ANKRD44: variants seen among roughly 807,000 people sequenced by gnomAD.
The protein encoded by ANKRD44 is serine/threonine-protein phosphatase 6 regulatory ankyrin repeat subunit B.
In ANKRD44, 35 loss-of-function variants were observed where a neutral mutation model predicts 116.0. The ratio of observed to expected loss-of-function variants is 0.30; its 90% CI spans 0.23 to 0.40. ANKRD44 has a LOEUF of 0.40. Ranked by LOEUF, ANKRD44 falls within the 10% of genes least tolerant of loss-of-function variation. The pLI is 1.00. For synonymous variants in ANKRD44, 435 were observed against 461.8 expected (o/e 0.94, Z 0.74); for missense variants, 1,014 against 1,242.6 (o/e 0.82, Z 2.77).
At chr2:197,269,733 A>C (rs1389385167) in intron 1 of ANKRD44, among the ~76,000 whole-genome samples, 1 of 152,070 alleles carries the variant, frequency 6.6e-6, no homozygotes, top group African/African-American at 2.4e-5. Context: ...GAAAATACAC[A>C]CTCAAAGTGG....
intron 3 of ANKRD44, among the ~76,000 whole-genome samples, chr2:197,141,501 C>T (rs2079365656): frequency 6.6e-6 from 1 of 152,094 alleles, no homozygotes; most frequent in South Asian, 2.1e-4. Context: ...AATATTAAAA[C>T]TCTTTCAAGG....
intron 1 of ANKRD44, among the ~76,000 whole-genome samples, chr2:197,198,485 A>T (rs1030727232): frequency 1.3e-5 from 2 of 152,094 alleles, no homozygotes; most frequent in Non-Finnish European, 1.5e-5. Flanking sequence ...TCTGGTGGTA[A>T]TATGTGAATC....
At chr2:197,150,779 C>A (rs1553518512) in intron 2 of ANKRD44, among the ~76,000 whole-genome samples, 1 of 152,106 alleles carries the variant, frequency 6.6e-6, no homozygotes, top group Non-Finnish European at 1.5e-5. Context: ...TAGGTCAATA[C>A]ACCAGGGGCT....
intron 3 of ANKRD44, 87 bp downstream of exon 3, chr2:197,146,940 G>T: frequency 9.1e-7 from 1 of 1,093,448 alleles, no homozygotes; most frequent in Non-Finnish European, 1.3e-6. Context: ...AAGGAATTTT[G>T]CTTGGGTTCA....
At chr2:197,131,846 G>T (rs536388004) in intron 4 of ANKRD44, among the ~76,000 whole-genome samples, 3 of 152,120 alleles carry the variant, frequency 2.0e-5, no homozygotes, top group Non-Finnish European at 4.4e-5. Flanking sequence ...TTCCATAAAC[G>T]TGCGTTAGAC....
intron 2 of ANKRD44, among the ~76,000 whole-genome samples, chr2:197,181,613 T>G (rs1192251695): frequency 6.6e-6 from 1 of 152,196 alleles, no homozygotes; most frequent in East Asian, 1.9e-4. Context: ...AAAAGTGCCA[T>G]GAACCATTAG....
At chr2:197,191,196 G>A (rs949041018) in intron 1 of ANKRD44, among the ~76,000 whole-genome samples, 2 of 152,168 alleles carry the variant, frequency 1.3e-5, no homozygotes, top group African/African-American at 4.8e-5. Flanking sequence ...GAAGACAGAA[G>A]GACACTTCCT....
At chr2:197,047,508 T>C (rs1356943261) in intron 16 of ANKRD44, among the ~76,000 whole-genome samples, 1 of 152,206 alleles carries the variant, frequency 6.6e-6, no homozygotes, top group Non-Finnish European at 1.5e-5. Context: ...GAATTTATCA[T>C]CTTGAAGGAC....
At chr2:197,078,658 ATGTGTGTG>A (rs139294990) in intron 16 of ANKRD44, 37 bp downstream of exon 16, 1 of 1,542,008 alleles carries the variant, frequency 6.5e-7, no homozygotes, top group Non-Finnish European at 8.8e-7. Context: ...GATTTGGGGT[ATGTGTGTG>A]TGTGTGTGTT....
At chr2:196,968,160 A>G (rs1231314509) in intron 21 of ANKRD44, among the ~76,000 whole-genome samples, 2 of 152,212 alleles carry the variant, frequency 1.3e-5, no homozygotes, top group Non-Finnish European at 2.9e-5. Context: ...ATACACTTCT[A>G]TATCAAGTCC....
At chr2:197,048,453 C>A (rs902381437) in intron 16 of ANKRD44, among the ~76,000 whole-genome samples, 2 of 152,116 alleles carry the variant, frequency 1.3e-5, no homozygotes, top group Non-Finnish European at 2.9e-5. Context: ...GGTTTTCTGT[C>A]CTTGCAATAG....
intron 16 of ANKRD44, among the ~76,000 whole-genome samples, chr2:197,059,793 T>A (rs960778651): frequency 6.6e-6 from 1 of 152,220 alleles, no homozygotes; most frequent in Non-Finnish European, 1.5e-5. Context: ...TAGTGGCTGA[T>A]GCAACTATCA....
chr2:197,074,462 C>G (rs2077623567), intron 16 of ANKRD44, among the ~76,000 whole-genome samples: 1 of 152,072 alleles, frequency 6.6e-6, no homozygotes, highest in African/African-American at 2.4e-5. Flanking sequence ...TGACACATTG[C>G]CAATGTAAGT....
intron 16 of ANKRD44, among the ~76,000 whole-genome samples, chr2:197,066,434 G>T (rs2077435163): frequency 6.6e-6 from 1 of 152,136 alleles, no homozygotes; most frequent in Admixed American, 6.6e-5. Context: ...TGGAAGTTCT[G>T]GCCAGGGCAA....
chr2:197,089,842 G>C (rs1188379123), intron 11 of ANKRD44, 108 bp downstream of exon 11: 6 of 862,382 alleles, frequency 7.0e-6, no homozygotes, highest in Non-Finnish European at 1.1e-5. Context: ...TGACGAGTCA[G>C]GTAATGACAT....
intron 16 of ANKRD44, among the ~76,000 whole-genome samples, chr2:197,062,462 T>C (rs971391907): frequency 6.6e-6 from 1 of 152,236 alleles, no homozygotes; most frequent in African/African-American, 2.4e-5. Context: ...ATTCAGTTTA[T>C]AAAATTGGAT....
At chr2:197,297,213 A>G (rs1332100015) in intron 1 of ANKRD44, among the ~76,000 whole-genome samples, 2 of 152,244 alleles carry the variant, frequency 1.3e-5, no homozygotes, top group African/African-American at 4.8e-5. Flanking sequence ...AAAATGAAAG[A>G]AAAATGTAAT....
chr2:197,143,988 C>T (rs1370971397), intron 3 of ANKRD44, among the ~76,000 whole-genome samples: 1 of 152,106 alleles, frequency 6.6e-6, no homozygotes, highest in African/African-American at 2.4e-5. Context: ...ATATCTCAAC[C>T]CCAGTATCTT....
At chr2:197,132,699 C>G (rs958689247) in intron 4 of ANKRD44, among the ~76,000 whole-genome samples, 1 of 152,036 alleles carries the variant, frequency 6.6e-6, no homozygotes, top group Non-Finnish European at 1.5e-5. Context: ...TTATTACCAT[C>G]AACATTCTGA....
Sources: allele counts gnomAD v4.1 joint callset (sites outside exome capture counted in the v4.1 genomes callset), GRCh38; gene constraint gnomAD v4.1.1; transcripts MANE v1.5; gene names NCBI Gene and HGNC (gene_info 2026-07-23, HGNC 2026-07-21).